ABCG8: variants seen among roughly 807,000 people sequenced by gnomAD.
The protein encoded by ABCG8 is ATP binding cassette subfamily G member 8.
A neutral mutation model predicts 71.3 loss-of-function variants in ABCG8; 81 were observed. The ratio of observed to expected loss-of-function variants is 1.14; its 90% CI spans 0.95 to 1.37. ABCG8 has a LOEUF of 1.37. ABCG8 is among the 40% of genes most tolerant of loss of function. The probability of loss-of-function intolerance (pLI) is 0.00; values close to 1 mark genes in which losing one functional copy is unlikely to be tolerated. For missense variants in ABCG8, 1,119 were observed against 866.2 expected, an observed-to-expected ratio of 1.29 and a Z score of -3.66; for synonymous variants, 451 against 354.7, an observed-to-expected ratio of 1.27 and a Z score of -3.05.
In ABCG8 at chr2:43,877,826, C is replaced by T; in HGVS notation, c.1935C>T (p.Leu645=). 1.2e-6 allele frequency: 2 copies of T among 1,614,194 alleles called. No homozygotes were observed. Among genetic ancestry groups the T allele is most frequent in the Non-Finnish European group, 1.7e-6 (2 of 1,180,046 alleles). The change falls in exon 13 of 13, where the codon CTC becomes CTT. Residue 645 remains leucine, a synonymous_variant. Transcript: ENST00000272286. The part of the protein sequence containing the change: ...LDSYPLYAIY[L]IVIGLSGGFM... ...CGTACCCTCTCTACGCCATCTACCT[C>T]ATCGTCATTGGCCTCAGCGGTGGCT...
At chr2:43,862,300 G>GA (rs1669351823) in intron 6 of ABCG8, among the ~76,000 whole-genome samples, 21 of 139,150 alleles carry the variant, frequency 1.5e-4, no homozygotes, top group African/African-American at 3.3e-4. Context: ...CACTCTCTTG[G>GA]TAGAACTCTC....
In ABCG8 at chr2:43,852,343, C is replaced by T. The variant is rs764212111; in HGVS notation, c.562-11C>T. ...CCCTGAGGTGGCCTCAAAGCTCCTT[C>T]TGGCCCACAGGTGGAGGACGTGATC... On this transcript the variant is annotated splice_polypyrimidine_tract_variant and intron_variant, in intron 4 of 12. Coordinates refer to ENST00000272286, the MANE Select transcript of ABCG8 (RefSeq NM_022437.3). The T allele has an allele frequency of 6.2e-7, 1 of 1,612,138 alleles. No individual in the cohort carries two copies. Among genetic ancestry groups the T allele is most frequent in the Non-Finnish European group, 8.5e-7 (1 of 1,179,974 alleles).
At chr2:43,875,981 G>A (rs183358656) in intron 11 of ABCG8, among the ~76,000 whole-genome samples, 58 of 152,160 alleles carry the variant, frequency 3.8e-4, no homozygotes, top group African/African-American at 1.0e-3. Flanking sequence ...TGTCATGCCC[G>A]CCTTCCATGG....
In ABCG8 at chr2:43,881,372, T is replaced by A. The variant is rs1670127094; in HGVS notation, c.*3459T>A. 1 of 152,208 alleles carries A rather than the reference T, an allele frequency of 6.6e-6. No individual in the cohort carries two copies. The highest frequency in any genetic ancestry group is 2.4e-5 in the African/African-American group (1 of 41,454). The allele number at this position is 152,208 out of a possible 1,614,324, so 9.4% of individuals were successfully genotyped here. ...GAGACTCTGATCCCATGGGTCTGTT[T>A]TGTTTAAAATGCTCTTCAAGGCATT... On this transcript the variant is annotated 3_prime_UTR_variant, in exon 13 of 13. Transcript: ENST00000272286.
chr2:43,838,989 G>A lies in ABCG8; in HGVS notation c.-65G>A. On this transcript the variant is annotated 5_prime_UTR_variant, in exon 1 of 13. Transcript: ENST00000272286. This position sits in a 1 kb window ranked among gnomAD's most constrained non-coding sequence, Gnocchi z 4.2. ...CTCCAGGAAACAGAGTGAAGACACT[G>A]GCCCTGGCAGGCAGCAGCTGGGTCT... The A allele has an allele frequency of 6.7e-7, 1 of 1,493,530 alleles. No individual in the cohort carries two copies. The highest frequency in any genetic ancestry group is 9.1e-7 in the Non-Finnish European group (1 of 1,096,500). 92.5% of individuals were successfully genotyped at this position (1,493,530 alleles called of 1,614,324 possible).
chr2:43,842,184 TG>T (rs1668601567), intron 1 of ABCG8, among the ~76,000 whole-genome samples: 1 of 152,116 alleles, frequency 6.6e-6, no homozygotes, highest in East Asian at 1.9e-4. Context: ...AATTTTTTTT[TG>T]TATTTTTAGT....
At position 43,844,188 on chromosome 2, in the gene ABCG8, C is replaced by T. The variant is rs565529058; in HGVS notation, c.64-319C>T. Reference sequence around the variant, plus strand: ...CACAGAGGTTTTTTTATAGAACTCTCTCCGGTCCAGAGTCTGGGTCTCTTT... The same window carrying T: ...CACAGAGGTTTTTTTATAGAACTCTTTCCGGTCCAGAGTCTGGGTCTCTTT... On this transcript the variant is annotated intron_variant, in intron 1 of 12. Coordinates refer to ENST00000272286, the MANE Select transcript of ABCG8 (RefSeq NM_022437.3). 1.4e-4 allele frequency among the ~76,000 whole-genome samples: 22 copies of T among 152,284 alleles called. 1 individual carries two copies. In the South Asian group the frequency reaches 4.6e-3, roughly 32 times the overall value.
intron 1 of ABCG8, among the ~76,000 whole-genome samples, chr2:43,841,681 G>C (rs1478786497): frequency 6.6e-6 from 1 of 152,070 alleles, no homozygotes; most frequent in African/African-American, 2.4e-5. Context: ...GTGAGCCTTG[G>C]AACAAGCAAC....
At chr2:43,871,171 G>C (rs1669754210) in intron 6 of ABCG8, among the ~76,000 whole-genome samples, 1 of 151,594 alleles carries the variant, frequency 6.6e-6, no homozygotes, top group Non-Finnish European at 1.5e-5. Flanking sequence ...TATCTATCTG[G>C]ATAGAACTCT....
intron 3 of ABCG8, among the ~76,000 whole-genome samples, chr2:43,850,909 CAAAAA>C (rs1164206598): frequency 3.5e-5 from 2 of 57,518 alleles, no homozygotes; most frequent in Admixed American, 1.9e-4. Flanking sequence ...GACTCTGTCT[CAAAAA>C]AAAAAAAAAA....
In ABCG8 at chr2:43,852,487, G is replaced by A; in HGVS notation, c.694+1G>A. ...GGGGTGCAGCTCCTGTGGAACCCAG[G>A]TGAGGGCCTGGGGGGCAGATGGGGG... is the stretch of plus-strand genomic sequence containing the variant. On this transcript the variant is annotated splice_donor_variant, in intron 5 of 12. Transcript: ENST00000272286. LOFTEE classifies it high-confidence loss of function. 6.2e-7 allele frequency: 1 copy of A among 1,613,590 alleles called. No homozygotes were observed. The highest frequency in any genetic ancestry group is 8.5e-7 in the Non-Finnish European group (1 of 1,179,906).
At chr2:43,858,514 C>A (rs973512029) in intron 6 of ABCG8, among the ~76,000 whole-genome samples, 11 of 151,538 alleles carry the variant, frequency 7.3e-5, no homozygotes, top group African/African-American at 2.7e-4. Context: ...CTCTCACTAT[C>A]TATCTCGATA....
intron 2 of ABCG8, among the ~76,000 whole-genome samples, chr2:43,845,120 AAT>A (rs1668704881): frequency 7.2e-5 from 10 of 138,814 alleles, no homozygotes; most frequent in South Asian, 4.4e-4. Flanking sequence ...ATATATATAT[AAT>A]TTTTTTTTTG....
Position 43,851,681 on chromosome 2 carries a change from G to C in ABCG8, c.420G>C (p.Ser140=). The C allele has an allele frequency of 6.2e-7, 1 of 1,614,240 alleles. No homozygotes were observed. Among genetic ancestry groups the C allele is most frequent in the South Asian group, 1.1e-5 (1 of 91,090 alleles). The change falls in exon 4 of 13, where the codon TCG becomes TCC. Residue 140 remains serine (S), a synonymous_variant. Transcript: ENST00000272286. The part of the protein sequence containing the change: ...GQIWINGQPS[S]PQLVRKCVAH... ...TCTGGATCAATGGGCAGCCCAGCTC[G>C]CCTCAGCTGGTGAGGAAGTGTGTGG...
intron 6 of ABCG8, among the ~76,000 whole-genome samples, chr2:43,858,383 CATCTGGATAGAATTCTCACTATCT>C (rs1240245002): frequency 3.3e-5 from 5 of 151,006 alleles, no homozygotes; most frequent in Non-Finnish European, 7.4e-5. Context: ...GAATTCTCAA[CATCTGGATAGAATTCTCACTATCT>C]ATCTGGATAG....
chr2:43,869,829 C>T (rs1355533825), intron 6 of ABCG8, among the ~76,000 whole-genome samples: 1 of 151,646 alleles, frequency 6.6e-6, no homozygotes, highest in African/African-American at 2.4e-5. Context: ...CTGGCTAGAA[C>T]CCTCACTATC....
intron 6 of ABCG8, among the ~76,000 whole-genome samples, chr2:43,862,399 AC>A (rs950173333): frequency 1.9e-4 from 29 of 151,114 alleles, no homozygotes; most frequent in African/African-American, 6.5e-4. Context: ...TAGAACTCTC[AC>A]TATCTATATG....
In ABCG8 at chr2:43,879,707, T is replaced by C. The variant is rs1017638887; in HGVS notation, c.*1794T>C. The C allele has an allele frequency of 1.3e-5, 2 of 152,188 alleles. No individual in the cohort carries two copies. The highest frequency in any genetic ancestry group is 4.8e-5 in the African/African-American group (2 of 41,442). The allele number at this position is 152,188 out of a possible 1,614,324, so 9.4% of individuals were successfully genotyped here. A position where few individuals can be genotyped will look rare whatever the true frequency, so the allele number is the denominator to read the frequency against. The stretch of plus-strand genomic sequence containing the variant: ...TTGTCTCTTTCAGTTTAGGAACAGT[T>C]TGTCAACTTTCCTTCACTTTTGTGA... On this transcript the variant is annotated 3_prime_UTR_variant, in exon 13 of 13. Coordinates refer to ENST00000272286, the MANE Select transcript of ABCG8 (RefSeq NM_022437.3).
At chr2:43,845,997 C>T (rs958902071) in intron 2 of ABCG8, among the ~76,000 whole-genome samples, 158 bp from the exon 3 acceptor site, 7 of 152,156 alleles carry the variant, frequency 4.6e-5, no homozygotes, top group African/African-American at 1.2e-4. Context: ...GTCCTGCTTC[C>T]GTGTTTGGTA....
Sources: gnomAD v4.1 joint callset for allele counts (sites outside exome capture counted in the v4.1 genomes callset) on GRCh38, gnomAD v4.1.1 for gene constraint, Gnocchi (gnomAD v3.1) non-coding constraint, MANE v1.5 for transcripts, NCBI Gene and HGNC (gene_info 2026-07-23, HGNC 2026-07-21) for gene names.